GABRR1: variants seen among roughly 807,000 people sequenced by gnomAD.
GABRR1 encodes gamma-aminobutyric acid type A receptor subunit rho1, also known as gamma-aminobutyric acid receptor subunit rho-1.
In GABRR1, 59 loss-of-function variants were observed where a neutral mutation model predicts 55.5. The observed-to-expected ratio is 1.06, with a 90% CI of 0.86 to 1.32. GABRR1 has a LOEUF of 1.32. Among genes scored for constraint, GABRR1 ranks in the 40% most tolerant of loss-of-function variants. The pLI, the probability that GABRR1 is intolerant of heterozygous loss-of-function variation, is 0.00. For synonymous variants in GABRR1, 213 were observed against 226.0 expected (o/e 0.94, Z 0.51); for missense variants, 602 against 619.1 (o/e 0.97, Z 0.29).
At chr6:89,212,701 C>G (rs371058552) in intron 1 of GABRR1, among the ~76,000 whole-genome samples, 1 of 151,872 alleles carries the variant, frequency 6.6e-6, no homozygotes, top group East Asian at 1.9e-4. Context: ...GAGACAGGGT[C>G]AGATGGGCCC....
At chr6:89,184,204 G>A (rs1224647078) in intron 7 of GABRR1, among the ~76,000 whole-genome samples, 1 of 149,684 alleles carries the variant, frequency 6.7e-6, no homozygotes, top group African/African-American at 2.5e-5. Context: ...CTGGCCATCT[G>A]GCCATTGCAC....
intron 8 of GABRR1, 28 bp from the exon 9 acceptor site, chr6:89,180,516 G>A (rs1406720372): frequency 2.2e-5 from 36 of 1,607,960 alleles, no homozygotes; most frequent in Non-Finnish European, 3.0e-5. Flanking sequence ...AGAAACAAGT[G>A]TTTGCTTGTC....
chr6:89,196,697 G>A (rs444081), intron 5 of GABRR1, among the ~76,000 whole-genome samples: 89,155 of 151,474 alleles, frequency 0.59, 26,741 homozygotes, highest in East Asian at 0.93. Context: ...TTACTGCTTG[G>A]GCCTGGGAGG....
intron 1 of GABRR1, among the ~76,000 whole-genome samples, chr6:89,215,533 T>C (rs533100455): frequency 2.0e-5 from 3 of 152,012 alleles, no homozygotes; most frequent in South Asian, 2.1e-4. Context: ...GGCTGGGAGA[T>C]TGAGGGTATG....
At chr6:89,221,145 A>T (rs1305356755), upstream of GABRR1, 1 of 152,112 alleles carries the variant, frequency 6.6e-6, no homozygotes, top group Non-Finnish European at 1.5e-5. Context: ...CAGGGTCTCC[A>T]GGGCAATAAT....
chr6:89,220,117 A>ACTCCCC (rs1773092158), upstream of GABRR1, among the ~76,000 whole-genome samples: 1 of 152,200 alleles, frequency 6.6e-6, no homozygotes, highest in South Asian at 2.1e-4. Context: ...ATAAGGCATT[A>ACTCCCC]AATTGGGGAG....
At chr6:89,181,222 C>T (rs1771707819) in intron 8 of GABRR1, among the ~76,000 whole-genome samples, 1 of 152,160 alleles carries the variant, frequency 6.6e-6, no homozygotes, top group South Asian at 2.1e-4. Flanking sequence ...CATCAAATCA[C>T]AGGGGATTGG....
chr6:89,202,432 C>T (rs1030396301), intron 2 of GABRR1, among the ~76,000 whole-genome samples: 2 of 152,058 alleles, frequency 1.3e-5, no homozygotes, highest in Non-Finnish European at 2.9e-5. Flanking sequence ...GTTGGGATTA[C>T]AGGCGCCTGC....
intron 1 of GABRR1, among the ~76,000 whole-genome samples, chr6:89,224,843 C>T (rs536580109): frequency 1.3e-5 from 2 of 152,148 alleles, no homozygotes; most frequent in South Asian, 2.1e-4. Context: ...AGTGCAGTGG[C>T]GTGATCTTGG....
rs1772397118 is a variant in GABRR1, at chr6:89,199,417, G to A, written c.293C>T (p.Pro98Leu). ...CTCCACCTGCACATCCACACCAACA[G>A]GAATGGCAGGGCCTGGGGACAGAGC... Reference protein sequence around the residue: ...MRPGFGGPAIPVGVDVQVESL... With the variant: ...MRPGFGGPAILVGVDVQVESL... The change falls in exon 4 of 10, where the codon CCT (proline) becomes CTT (leucine). Residue 98 changes from proline to leucine, a missense_variant. By Grantham distance (98) the Pro-to-Leu change is moderately conservative (BLOSUM62 -3). Around this residue, in one of 3 missense-constraint regions of GABRR1, gnomAD observed 435 missense variants for 424.2 expected, o/e 1.03. Coordinates refer to ENST00000454853, the MANE Select transcript of GABRR1 (RefSeq NM_002042.5). The A allele has an allele frequency of 1.2e-6, 2 of 1,613,996 alleles. No homozygotes were observed. The highest frequency in any genetic ancestry group is 2.2e-5 in the East Asian group (1 of 44,872).
intron 1 of GABRR1, among the ~76,000 whole-genome samples, chr6:89,230,797 CG>C (rs1562325642): frequency 6.6e-6 from 1 of 151,730 alleles, no homozygotes; most frequent in Non-Finnish European, 1.5e-5. Context: ...CCACCCAGTT[CG>C]AGCTTCCCAG....
intron 1 of GABRR1, among the ~76,000 whole-genome samples, chr6:89,207,721 A>C (rs1772696687): frequency 6.6e-6 from 1 of 152,248 alleles, no homozygotes; most frequent in Non-Finnish European, 1.5e-5. Context: ...CAGGCCACAG[A>C]GCAGACCAAT....
chr6:89,220,791 G>A (rs1378045011), upstream of GABRR1, among the ~76,000 whole-genome samples: 1 of 152,040 alleles, frequency 6.6e-6, no homozygotes, highest in Non-Finnish European at 1.5e-5. Context: ...CATGATCTCA[G>A]CTCACCACAA....
chr6:89,182,146 C>T (rs1771749532), intron 7 of GABRR1, 89 bp from the exon 8 acceptor site: 1 of 1,190,848 alleles, frequency 8.4e-7, no homozygotes, highest in South Asian at 1.5e-5. Flanking sequence ...GCCTTAGACA[C>T]TCCAATGGAC....
intron 5 of GABRR1, among the ~76,000 whole-genome samples, chr6:89,191,130 A>G (rs911536303): frequency 1.3e-5 from 2 of 152,268 alleles, no homozygotes; most frequent in East Asian, 3.8e-4. Flanking sequence ...GGAAAAGAAC[A>G]TTCTTGAAAT....
intron 1 of GABRR1, chr6:89,204,716 A>G (rs768013140): frequency 8.4e-7 from 1 of 1,183,568 alleles, no homozygotes; most frequent in South Asian, 1.3e-5. Flanking sequence ...AAGACGGATG[A>G]ATAAAATACA....
chr6:89,214,720 G>A (rs926362710), intron 1 of GABRR1, among the ~76,000 whole-genome samples: 2 of 152,068 alleles, frequency 1.3e-5, no homozygotes, highest in Non-Finnish European at 2.9e-5. Context: ...CACACCAGTC[G>A]GAATGGCTAT....
intron 1 of GABRR1, among the ~76,000 whole-genome samples, chr6:89,229,359 G>A (rs1423876967): frequency 8.6e-5 from 13 of 151,922 alleles, no homozygotes; most frequent in East Asian, 7.7e-4. Context: ...TCCTAGTCTC[G>A]ATGGTCTTTA....
chr6:89,188,851 T>C (rs184118713), intron 6 of GABRR1, among the ~76,000 whole-genome samples: 99 of 152,306 alleles, frequency 6.5e-4, no homozygotes, highest in African/African-American at 2.3e-3. Flanking sequence ...AGGATGTCTG[T>C]GTGTGTGCAA....
Sources: allele counts gnomAD v4.1 joint callset (sites outside exome capture counted in the v4.1 genomes callset), GRCh38; gene constraint gnomAD v4.1.1; regional missense constraint gnomAD v4.1.1; transcripts MANE v1.5; gene names NCBI Gene and HGNC (gene_info 2026-07-23, HGNC 2026-07-21).